The following SALL4 variants were observed in gnomAD, a reference collection of about 807,000 sequenced individuals.
The protein encoded by SALL4 is sal-like protein 4.
SALL4 carries 4 observed loss-of-function variants against 60.8 expected under a neutral mutation model. That is an observed-to-expected ratio of 0.07 (90% CI 0.03 to 0.15). The LOEUF (loss-of-function observed/expected upper bound fraction) is 0.15. SALL4 is among the 10% of genes least tolerant of loss of function. The pLI is 1.00. For missense variants in SALL4, 1,178 were observed against 1,394.7 expected, an observed-to-expected ratio of 0.84 and a Z score of 2.48; for synonymous variants, 580 against 574.9, an observed-to-expected ratio of 1.01 and a Z score of -0.13.
chr20:51,784,523 C>G lies in SALL4; in HGVS notation c.2904G>C (p.Val968=), dbSNP rs762988707. 6.2e-7 allele frequency: 1 copy of G among 1,614,180 alleles called. No individual in the cohort carries two copies. Among genetic ancestry groups the G allele is most frequent in the Non-Finnish European group, 8.5e-7 (1 of 1,180,028 alleles). The change falls in exon 4 of 4, where the codon GTG becomes GTC. Residue 968 remains valine (V), a synonymous_variant. Transcript: ENST00000217086. The part of the protein sequence containing the change: ...LAPSVNVDPV[V]WNQYTSMLNG... ...TGAGCATGCTGGTGTACTGGTTCCA[C>G]ACAACAGGGTCCACATTCACTGAAG...
intron 1 of SALL4, among the ~76,000 whole-genome samples, chr20:51,799,213 T>G (rs1318580625): frequency 6.6e-6 from 1 of 152,210 alleles, no homozygotes; most frequent in Non-Finnish European, 1.5e-5. Flanking sequence ...GTAGCCCTTC[T>G]ATAGTTGAAA....
rs1462126632 is a variant in SALL4 at position 51,782,896 on chromosome 20, C to T, written c.*1369G>A. The T allele has an allele frequency of 6.6e-6, 1 of 152,072 alleles. No homozygotes were observed. The highest frequency in any genetic ancestry group is 1.5e-5 in the Non-Finnish European group (1 of 68,014). 9.4% of individuals were successfully genotyped at this position (152,072 alleles called of 1,614,324 possible). On this transcript the variant is annotated 3_prime_UTR_variant, in exon 4 of 4. Transcript: ENST00000217086. Reference sequence around the variant, plus strand: ...CGGTCTTAAAATAGGAAAATAGACACTATGGCTACAAAAAATAAAAAATAA... The same window carrying T: ...CGGTCTTAAAATAGGAAAATAGACATTATGGCTACAAAAAATAAAAAATAA...
At chr20:51,795,059 G>C (rs2078071524) in intron 1 of SALL4, among the ~76,000 whole-genome samples, 1 of 152,148 alleles carries the variant, frequency 6.6e-6, no homozygotes, top group South Asian at 2.1e-4. Flanking sequence ...GTGCGATGCT[G>C]CTACTTCCAG....
In SALL4 at chr20:51,791,860, G is replaced by A. The variant is rs766218657; in HGVS notation, c.623C>T (p.Ala208Val). Residue 208 changes from alanine to valine, a missense_variant, in exon 2 of 4, where the codon GCC becomes GTC. By Grantham distance (64) the Ala-to-Val change is moderately conservative. This residue lies in a region of SALL4 where 853 missense variants were observed against 1,036.8 expected (regional missense o/e 0.82). Transcript: ENST00000217086. This position sits in a 1 kb window ranked among gnomAD's most constrained non-coding sequence, Gnocchi z 4.6. Reference sequence around the variant, plus strand: ...CTCGAGGACCCACGGGATGCTGTTGGCACCAGGCACGGGGGCAGGGAGTGC... The same window carrying A: ...CTCGAGGACCCACGGGATGCTGTTGACACCAGGCACGGGGGCAGGGAGTGC... ...ADALPAPVPG[A>V]NSIPWVLEQI... 3.1e-6 allele frequency: 5 copies of A among 1,614,002 alleles called. No individual in the cohort carries two copies. The highest frequency in any genetic ancestry group is 3.4e-6 in the Non-Finnish European group (4 of 1,180,020).
In SALL4 at chr20:51,788,126, G is replaced by A. The variant is rs2078005592; in HGVS notation, c.2742+735C>T. Among the ~76,000 whole-genome samples the A allele has an allele frequency of 1.3e-5, 2 of 151,386 alleles. No individual in the cohort carries two copies. Among genetic ancestry groups the A allele is most frequent in the Non-Finnish European group, 2.9e-5 (2 of 67,912 alleles). On this transcript the variant is annotated intron_variant, in intron 3 of 3. Coordinates refer to ENST00000217086, the MANE Select transcript of SALL4 (RefSeq NM_020436.5). This position sits in a 1 kb window ranked among gnomAD's most constrained non-coding sequence, Gnocchi z 4.1. ...GGTGCTGAGCCACTGCACCCAGGTA[G>A]TATTTCTAATTTTTAAAATTAAAAT...
chr20:51,795,363 T>C (rs920286816), intron 1 of SALL4, among the ~76,000 whole-genome samples: 3 of 152,116 alleles, frequency 2.0e-5, no homozygotes, highest in East Asian at 3.9e-4. Context: ...GCCGAGACAG[T>C]GCCACTGCAC....
intron 1 of SALL4, chr20:51,792,797 C>A (rs1261262019): frequency 9.5e-7 from 1 of 1,055,598 alleles, no homozygotes; most frequent in African/African-American, 1.7e-5. Flanking sequence ...CAACTCCGAA[C>A]TTGGGACTGT....
intron 1 of SALL4, among the ~76,000 whole-genome samples, chr20:51,794,677 T>C (rs544154844): frequency 6.6e-6 from 1 of 152,334 alleles, no homozygotes; most frequent in African/African-American, 2.4e-5. Context: ...ACTTTGTATG[T>C]GCCAGGTATG....
In SALL4 at chr20:51,793,929, A is replaced by T. The variant is rs1263041066; in HGVS notation, c.131-1577T>A. ...TGGGCAGGTCTGGCCTGCCAGAGTT[A>T]AGAAAGCTAGGCAGGGCCAACCTAG... On this transcript the variant is annotated intron_variant, in intron 1 of 3. Transcript: ENST00000217086. Among the ~76,000 whole-genome samples the T allele has an allele frequency of 4.6e-5, 7 of 152,336 alleles. No individual in the cohort carries two copies. The East Asian group carries it at 1.4e-3, about 29-fold the overall frequency.
chr20:51,791,969 C>T lies in SALL4; in HGVS notation c.514G>A (p.Ala172Thr), dbSNP rs747313972. Residue 172 changes from alanine (A) to threonine (T), a missense_variant, in exon 2 of 4, where the codon GCC (alanine) becomes ACC (threonine). Transcript: ENST00000217086. The surrounding 1 kb of genome is among the most constrained non-coding windows in gnomAD (Gnocchi z 4.6). Reference protein sequence around the residue: ...PPTPQDISYLAKGKVANTNVT... With the variant: ...PPTPQDISYLTKGKVANTNVT... ...TTAGTGTTGGCCACTTTGCCTTTGG[C>T]TAAATAGCTTATGTCCTGGGGGGTG... is the stretch of plus-strand genomic sequence containing the variant. 1 of 1,614,096 alleles carries T rather than the reference C, an allele frequency of 6.2e-7. No individual in the cohort carries two copies.
Position 51,791,037 on chromosome 20 carries a change from A to G in SALL4, c.1446T>C (p.Ser482=). 1.2e-6 allele frequency: 2 copies of G among 1,614,180 alleles called. No individual in the cohort carries two copies. The highest frequency in any genetic ancestry group is 1.7e-5 in the Admixed American group (1 of 60,028). The part of the protein sequence containing the change: ...LDSKPVLVTT[S]VGLPQNLSSG... ...AAGAAAGATTCTGAGGTAGCCCTAC[A>G]GAGGTGGTTACAAGGACAGGTTTGC... is the stretch of plus-strand genomic sequence containing the variant. Residue 482 remains serine, a synonymous_variant, in exon 2 of 4, where the codon TCT becomes TCC. Transcript: ENST00000217086. This position sits in a 1 kb window ranked among gnomAD's most constrained non-coding sequence, Gnocchi z 4.6.
Position 51,801,603 on chromosome 20 carries a change from G to A in SALL4, c.130+676C>T, listed in dbSNP as rs13040027. Reference sequence around the variant, plus strand: ...AGGCGGCGCAGCCCGGGCAGAAAAGGCGAAATCCAGAAAAGAAAAAAATTT... The same window carrying A: ...AGGCGGCGCAGCCCGGGCAGAAAAGACGAAATCCAGAAAAGAAAAAAATTT... On this transcript the variant is annotated intron_variant, in intron 1 of 3. Coordinates refer to ENST00000217086, the MANE Select transcript of SALL4 (RefSeq NM_020436.5). The surrounding 1 kb of genome is among the most constrained non-coding windows in gnomAD (Gnocchi z 5.2). 0.094 allele frequency: 14,338 copies of A among 152,620 alleles called. 875 individuals carry two copies. The highest frequency in any genetic ancestry group is 0.14 in the Non-Finnish European group (9,501 of 68,302). The allele number at this position is 152,620 out of a possible 1,614,324, so 9.5% of individuals were successfully genotyped here.
Position 51,788,014 on chromosome 20 carries a change from G to A in SALL4, c.2742+847C>T, listed in dbSNP as rs1183831744. Among the ~76,000 whole-genome samples, 1 of 151,892 alleles carries A rather than the reference G, an allele frequency of 6.6e-6. No individual in the cohort carries two copies. Among genetic ancestry groups the A allele is most frequent in the African/African-American group, 2.4e-5 (1 of 41,336 alleles). On this transcript the variant is annotated intron_variant, in intron 3 of 3. Coordinates refer to ENST00000217086, the MANE Select transcript of SALL4 (RefSeq NM_020436.5). This position sits in a 1 kb window ranked among gnomAD's most constrained non-coding sequence, Gnocchi z 4.1. ...TTTTTATTTTTATTTTGTAGTGACA[G>A]GGTCTCCTTATGTTACCCAGGCTGG...
rs774455458 is a variant in SALL4, at chr20:51,784,415, G to A, written c.3012C>T (p.Ala1004=). ...GVPTLPVSLG[A]TSVVNNATVS... The stretch of plus-strand genomic sequence containing the variant: ...CAGTGGCGTTATTCACAACGGAGGT[G>A]GCCCCCAAGGAAACCGGGAGGGTAG... Residue 1004 remains alanine, a synonymous_variant, in exon 4 of 4, where the codon GCC becomes GCT. Transcript: ENST00000217086. 3 of 1,614,042 alleles carry A rather than the reference G, an allele frequency of 1.9e-6. No individual in the cohort carries two copies. The highest frequency in any genetic ancestry group is 3.3e-5 in the Admixed American group (2 of 59,994).
At chr20:51,785,660 T>C (rs76913478) in intron 3 of SALL4, among the ~76,000 whole-genome samples, 2 of 152,174 alleles carry the variant, frequency 1.3e-5, no homozygotes, top group African/African-American at 4.8e-5. Context: ...CCTTTTTTTT[T>C]TGAGACGGAG....
intron 2 of SALL4, 128 bp downstream of exon 2, chr20:51,789,894 G>A: frequency 1.8e-6 from 2 of 1,131,112 alleles, no homozygotes; most frequent in South Asian, 2.6e-5. Context: ...CAGAAGTAAA[G>A]AAAAGCTAAT....
chr20:51,792,443 C>G lies in SALL4; in HGVS notation c.131-91G>C. The G allele has an allele frequency of 2.0e-6, 3 of 1,494,154 alleles. No individual in the cohort carries two copies. The African/African-American group carries it at 4.1e-5, about 21-fold the overall frequency. 92.6% of individuals were successfully genotyped at this position (1,494,154 alleles called of 1,614,324 possible). ...GTCGCTCACATCTATAATCCTAGCA[C>G]TTTGGGAGGCTGAGGTGGGCAGATC... On this transcript the variant is annotated intron_variant, in intron 1 of 3. Coordinates refer to ENST00000217086, the MANE Select transcript of SALL4 (RefSeq NM_020436.5).
At position 51,790,944 on chromosome 20, in the gene SALL4, T is replaced by C. The variant is rs1411401252; in HGVS notation, c.1539A>G (p.Pro513=). 6.2e-7 allele frequency: 1 copy of C among 1,614,118 alleles called. No homozygotes were observed. The highest frequency in any genetic ancestry group is 1.7e-5 in the Admixed American group (1 of 60,014). ...GGAGTGTGGGTCCACCCTCACTTTC[T>C]GGAGAAGGCCCAGGCTGCAGGTCAC... The part of the protein sequence containing the change: ...LPGDLQPGPS[P]ESEGGPTLPG... Residue 513 remains proline (P), a synonymous_variant, in exon 2 of 4, where the codon CCA becomes CCG. Coordinates refer to ENST00000217086, the MANE Select transcript of SALL4 (RefSeq NM_020436.5). This position sits in a 1 kb window ranked among gnomAD's most constrained non-coding sequence, Gnocchi z 5.5.
In SALL4 at chr20:51,791,464, C is replaced by T. The variant is rs1131691819; in HGVS notation, c.1019G>A (p.Gly340Asp). ...LPSALLPQAP[G>D]SVLFQSPFST... ...GAAAGGGCTCTGGAAGAGCACCGAGCCCGGGGCCTGAGGAAGCAAAGCGCT... is the reference window on the plus strand; with the variant it reads ...GAAAGGGCTCTGGAAGAGCACCGAGTCCGGGGCCTGAGGAAGCAAAGCGCT... The change falls in exon 2 of 4, where the codon GGC becomes GAC. Residue 340 changes from glycine (G) to aspartate (D), a missense_variant. Gly to Asp is a moderately conservative substitution (Grantham distance 94). This residue lies in a region of SALL4 where 853 missense variants were observed against 1,036.8 expected (regional missense o/e 0.82). Transcript: ENST00000217086. This position sits in a 1 kb window ranked among gnomAD's most constrained non-coding sequence, Gnocchi z 4.6. The T allele has an allele frequency of 1.2e-6, 2 of 1,614,042 alleles. No homozygotes were observed. The highest frequency in any genetic ancestry group is 1.7e-6 in the Non-Finnish European group (2 of 1,180,020).
Sources: gnomAD v4.1 joint callset for allele counts (sites outside exome capture counted in the v4.1 genomes callset) on GRCh38, gnomAD v4.1.1 for gene constraint, gnomAD v4.1.1 regional missense constraint, Gnocchi (gnomAD v3.1) non-coding constraint, MANE v1.5 for transcripts, NCBI Gene and HGNC (gene_info 2026-07-23, HGNC 2026-07-21) for gene names.